MYOF: variants seen among roughly 807,000 people sequenced by gnomAD.
MYOF encodes fer-1-like 3, myoferlin.
A neutral mutation model predicts 284.2 loss-of-function variants in MYOF; 244 were observed. That is an observed-to-expected ratio of 0.86 (90% CI 0.77 to 0.95). MYOF has a LOEUF of 0.95. MYOF is among the 40% of genes least tolerant of loss of function. The probability of loss-of-function intolerance (pLI) is 0.00; values close to 1 mark genes in which losing one functional copy is unlikely to be tolerated. For missense variants in MYOF, 2,496 were observed against 2,560.6 expected, an observed-to-expected ratio of 0.97 and a Z score of 0.54; for synonymous variants, 904 against 919.7, an observed-to-expected ratio of 0.98 and a Z score of 0.31.
chr10:93,340,661 C>T (rs1215193202), intron 38 of MYOF, among the ~76,000 whole-genome samples: 2 of 152,188 alleles, frequency 1.3e-5, no homozygotes, highest in Non-Finnish European at 2.9e-5. Context: ...CAGGTACCCC[C>T]CAGCCATGCC....
chr10:93,360,966 T>A (rs996039329), intron 28 of MYOF, among the ~76,000 whole-genome samples: 3 of 152,224 alleles, frequency 2.0e-5, no homozygotes, highest in Non-Finnish European at 4.4e-5. Context: ...CACTTGTCCA[T>A]ACACTTGCCT....
chr10:93,438,087 T>A (rs1457791542), intron 3 of MYOF, among the ~76,000 whole-genome samples: 1 of 152,120 alleles, frequency 6.6e-6, no homozygotes, highest in Non-Finnish European at 1.5e-5. Context: ...GGGTTTCTCA[T>A]TCTCTGCCAT....
intron 7 of MYOF, 57 bp downstream of exon 7, chr10:93,408,730 G>T: frequency 6.2e-7 from 1 of 1,608,134 alleles, no homozygotes; most frequent in Non-Finnish European, 8.5e-7. Flanking sequence ...AGCTGCTCCC[G>T]TGTTTCCCTC....
In MYOF at chr10:93,328,839, G is replaced by A; in HGVS notation, c.5055C>T (p.Gly1685=). The A allele has an allele frequency of 1.2e-6, 2 of 1,613,776 alleles. No homozygotes were observed. ...QLLQNVARFK[G]FPQPILSEDG... ...CTTCGGAAAGGATGGGTTGTGGGAAGCCTTTGAATCTGGCGACATTTTGAA... is the reference window on the plus strand; with the variant it reads ...CTTCGGAAAGGATGGGTTGTGGGAAACCTTTGAATCTGGCGACATTTTGAA... Residue 1685 remains glycine (G), a synonymous_variant, in exon 45 of 54, where the codon GGC becomes GGT. Transcript: ENST00000359263.
intron 12 of MYOF, 149 bp downstream of exon 12, chr10:93,401,268 TG>T: frequency 8.7e-7 from 1 of 1,150,064 alleles, no homozygotes; most frequent in Non-Finnish European, 1.2e-6. Context: ...AGCTTTCAAC[TG>T]GGCCAGAATG....
chr10:93,478,561 G>T (rs2057316527), intron 1 of MYOF, among the ~76,000 whole-genome samples: 1 of 151,938 alleles, frequency 6.6e-6, no homozygotes, highest in South Asian at 2.1e-4. Flanking sequence ...ACACAACTGG[G>T]CGCTCATACC....
At chr10:93,316,656 G>C in intron 50 of MYOF, 58 bp downstream of exon 50, 1 of 1,432,488 alleles carries the variant, frequency 7.0e-7, no homozygotes, top group Non-Finnish European at 9.8e-7. Flanking sequence ...AGTTTTCATT[G>C]ACCCCACTAA....
intron 2 of MYOF, 29 bp from the exon 3 acceptor site, chr10:93,452,170 GAAAA>G: frequency 7.0e-7 from 1 of 1,437,998 alleles, no homozygotes; most frequent in East Asian, 2.3e-5. Context: ...TGAAAAAAGA[GAAAA>G]AAAAAGGCTG....
At chr10:93,432,613 T>G (rs1391348292) in intron 3 of MYOF, among the ~76,000 whole-genome samples, 1 of 152,184 alleles carries the variant, frequency 6.6e-6, no homozygotes, top group Non-Finnish European at 1.5e-5. Context: ...AGGGTTAGCT[T>G]GCTGTCCCCT....
intron 1 of MYOF, among the ~76,000 whole-genome samples, chr10:93,464,613 C>T (rs1303222618): frequency 2.6e-5 from 4 of 152,122 alleles, no homozygotes; most frequent in Non-Finnish European, 5.9e-5. Context: ...GCTGAACCCC[C>T]AAGCTCAGAG....
chr10:93,394,415 A>G (rs1476493218), intron 16 of MYOF, among the ~76,000 whole-genome samples: 1 of 118,880 alleles, frequency 8.4e-6, no homozygotes, highest in Non-Finnish European at 1.7e-5. Flanking sequence ...TACATTTATA[A>G]TTGTACTATA....
chr10:93,366,461 T>C lies in MYOF; in HGVS notation c.2684A>G (p.Lys895Arg), dbSNP rs2133946187. ...FSDVTGKIKL[K>R]REFFLPPKGW... ...TTTTGGAGGCAGAAAAAATTCCCTCTTGAGTTTTATTTTTCCTGTGACATC... is the reference window on the plus strand; with the variant it reads ...TTTTGGAGGCAGAAAAAATTCCCTCCTGAGTTTTATTTTTCCTGTGACATC... Residue 895 changes from lysine to arginine, a missense_variant, in exon 26 of 54, where the codon AAG (lysine) becomes AGG (arginine). Around this residue, in one of 3 missense-constraint regions of MYOF, gnomAD observed 2,436 missense variants for 2,480.7 expected, o/e 0.98. Transcript: ENST00000359263. 1.2e-6 allele frequency: 2 copies of C among 1,613,958 alleles called. No individual in the cohort carries two copies. Among genetic ancestry groups the C allele is most frequent in the East Asian group, 4.5e-5 (2 of 44,862 alleles).
At chr10:93,391,025 A>G (rs533879935) in intron 17 of MYOF, among the ~76,000 whole-genome samples, 1 of 152,228 alleles carries the variant, frequency 6.6e-6, no homozygotes, top group African/African-American at 2.4e-5. Context: ...TACCCCATCC[A>G]TTCCTTTGGT....
rs1843418125 is a variant in MYOF at position 93,333,232 on chromosome 10, T to C, written c.4800A>G (p.Pro1600=). Residue 1600 remains proline, a synonymous_variant, in exon 43 of 54, where the codon CCA becomes CCG. Coordinates refer to ENST00000359263, the MANE Select transcript of MYOF (RefSeq NM_013451.4). The part of the protein sequence containing the change: ...RDHYIPNTLN[P]VFGRMYELSC... ...AGAATGTATATTACCTGCCAAAGAC[T>C]GGGTTGAGAGTGTTGGGAATGTAGT... The C allele has an allele frequency of 1.9e-6, 3 of 1,613,894 alleles. No individual in the cohort carries two copies. The highest frequency in any genetic ancestry group is 1.3e-5 in the African/African-American group (1 of 74,924).
In MYOF at chr10:93,351,481, G is replaced by C. The variant is rs1844507409; in HGVS notation, c.3754C>G (p.Pro1252Ala). The C allele has an allele frequency of 6.2e-7, 1 of 1,614,196 alleles. No individual in the cohort carries two copies. The highest frequency in any genetic ancestry group is 1.3e-5 in the African/African-American group (1 of 75,040). ...CAGGCTTTGTCTCCATTCATTACTG[G>C]GTGCCAGAGAAGTTTGGGTGTGATG... ...MDITPKLLWHPVMNGDKACGD... is the reference protein window; with the variant it reads ...MDITPKLLWHAVMNGDKACGD... Residue 1252 changes from proline to alanine, a missense_variant, in exon 34 of 54, where the codon CCA becomes GCA. Physicochemically the swap from Pro to Ala is conservative, Grantham distance 27 (BLOSUM62 -1). Transcript: ENST00000359263.
intron 27 of MYOF, among the ~76,000 whole-genome samples, chr10:93,363,337 A>AT (rs1227656133): frequency 6.6e-6 from 1 of 152,144 alleles, no homozygotes; most frequent in Admixed American, 6.5e-5. Context: ...TGCTGCTTGG[A>AT]TTTTTTAAAG....
intron 23 of MYOF, 123 bp from the exon 24 acceptor site, chr10:93,373,208 G>T: frequency 2.6e-6 from 3 of 1,146,032 alleles, no homozygotes; most frequent in Non-Finnish European, 3.8e-6. Context: ...TGTGGTTAGG[G>T]CTCTGTCTCA....
chr10:93,422,314 A>G (rs1211374442), intron 5 of MYOF, among the ~76,000 whole-genome samples: 1 of 152,190 alleles, frequency 6.6e-6, no homozygotes, highest in Non-Finnish European at 1.5e-5. Context: ...CTTCCGTGGG[A>G]GAGCTGGGCT....
Position 93,374,915 on chromosome 10 carries a change from C to T in MYOF, c.2149G>A (p.Val717Ile). ...PLTEGKANVT[V>I]LDTQIRKLRS... ...AGCTTTCGGATCTGAGTATCGAGAA[C>T]TGTGACGTTGGCTTTTCCTTCTGTG... is the stretch of plus-strand genomic sequence containing the variant. The change falls in exon 23 of 54, where the codon GTT (valine) becomes ATT (isoleucine). Residue 717 changes from valine to isoleucine, a missense_variant. By Grantham distance (29) the Val-to-Ile change is conservative (BLOSUM62 3). This residue lies in a region of MYOF where 2,436 missense variants were observed against 2,480.7 expected (regional missense o/e 0.98). Coordinates refer to ENST00000359263, the MANE Select transcript of MYOF (RefSeq NM_013451.4). The T allele has an allele frequency of 6.2e-7, 1 of 1,614,048 alleles. No homozygotes were observed. Among genetic ancestry groups the T allele is most frequent in the South Asian group, 1.1e-5 (1 of 91,046 alleles).
Sources: gnomAD v4.1 joint callset for allele counts (sites outside exome capture counted in the v4.1 genomes callset) on GRCh38, gnomAD v4.1.1 for gene constraint, gnomAD v4.1.1 regional missense constraint, MANE v1.5 for transcripts, NCBI Gene and HGNC (gene_info 2026-07-23, HGNC 2026-07-21) for gene names.